Variants in RIMS2 observed in about 807,000 individuals in gnomAD.
RIMS2 encodes the protein regulating synaptic membrane exocytosis 2, also known as regulating synaptic membrane exocytosis protein 2.
Under a neutral mutation model 174.4 loss-of-function variants are expected in RIMS2, and 59 were observed. The ratio of observed to expected loss-of-function variants is 0.34; its 90% CI spans 0.27 to 0.42. RIMS2 has a LOEUF of 0.42. Ranked by LOEUF, RIMS2 falls within the 10% of genes least tolerant of loss-of-function variation. RIMS2 has a pLI of 1.00. For missense variants in RIMS2, 1,620 were observed against 1,666.3 expected (o/e 0.97, Z 0.48); for synonymous variants, 606 against 572.5 (o/e 1.06, Z -0.84).
chr8:103,757,565 G>T (rs963838872), intron 2 of RIMS2, among the ~76,000 whole-genome samples: 1 of 151,980 alleles, frequency 6.6e-6, no homozygotes, highest in Non-Finnish European at 1.5e-5. Context: ...TTTTGTCTAT[G>T]GTAGGCAGAA....
intron 1 of RIMS2, among the ~76,000 whole-genome samples, chr8:103,572,916 G>C (rs1172278158): frequency 1.3e-5 from 2 of 152,104 alleles, no homozygotes; most frequent in African/African-American, 4.8e-5. Context: ...TTAGGTCCCA[G>C]TTGTCAATTT....
In RIMS2 at chr8:103,991,813, T is replaced by A. The variant is rs1160533214; in HGVS notation, c.3044+2392T>A. On this transcript the variant is annotated intron_variant, in intron 17 of 23. Coordinates refer to ENST00000504942, the Ensembl canonical transcript of RIMS2. ...ATGCAGGATTTAACCTCTTGCTACCTGTGTCTTTGGGAAAATTAACCTCTT... is the reference window on the plus strand; with the variant it reads ...ATGCAGGATTTAACCTCTTGCTACCAGTGTCTTTGGGAAAATTAACCTCTT... Among the ~76,000 whole-genome samples, 3 of 152,172 alleles carry A rather than the reference T, an allele frequency of 2.0e-5. No individual in the cohort carries two copies. In the East Asian group the frequency reaches 5.8e-4, roughly 29 times the overall value.
At position 103,792,611 on chromosome 8, in the gene RIMS2, CA is replaced by C. The variant is rs886517819; in HGVS notation, c.698+26080del. Among the ~76,000 whole-genome samples the C allele has an allele frequency of 4.6e-4, 63 of 135,672 alleles. 1 individual carries two copies. The highest frequency in any genetic ancestry group is 1.7e-3 in the African/African-American group (63 of 36,940). 89.0% of individuals were successfully genotyped at this position (135,672 alleles called of 152,430 possible). A position where few individuals can be genotyped will look rare whatever the true frequency, so the allele number is the denominator to read the frequency against. On this transcript the variant is annotated intron_variant, in intron 3 of 23. Transcript: ENST00000504942. ...GGAGGTAGAGACACAAAAAACCCTT[CA>C]AAAAATCAGTGAATCCAGGAGCTGG...
At chr8:104,216,720 T>C (rs1299293863) in intron 19 of RIMS2, among the ~76,000 whole-genome samples, 1 of 152,294 alleles carries the variant, frequency 6.6e-6, no homozygotes, top group East Asian at 1.9e-4. Context: ...GCCTGGCTTA[T>C]AGTAAGTGGG....
In RIMS2 at chr8:103,965,058, G is replaced by A. The variant is rs76860622; in HGVS notation, c.2770+3925G>A. On this transcript the variant is annotated intron_variant, in intron 15 of 23. Coordinates refer to ENST00000504942, the Ensembl canonical transcript of RIMS2. ...AGAGTACCACAGTGTCCTGATTACT[G>A]TAGTTTCATAGTAAGTATTGAAAAG... Among the ~76,000 whole-genome samples, 1,500 of 152,220 alleles carry A rather than the reference G, an allele frequency of 9.9e-3. 19 individuals are homozygous for A. Among genetic ancestry groups the A allele is most frequent in the South Asian group, 0.046 (223 of 4,820 alleles).
At chr8:103,909,990 C>CTATATATATATATATATA (rs112720274) in intron 4 of RIMS2, 2 of 346,874 alleles carry the variant, frequency 5.8e-6, no homozygotes, top group African/African-American at 4.4e-5. Context: ...ATAGCACTCA[C>CTATATATATATATATATA]TATATATATA....
At chr8:103,687,078 A>T (rs1049794242) in intron 1 of RIMS2, among the ~76,000 whole-genome samples, 1 of 152,186 alleles carries the variant, frequency 6.6e-6, no homozygotes, top group Non-Finnish European at 1.5e-5. Context: ...ATTGGGAACC[A>T]GAGTTTTAGA....
At chr8:103,892,098 T>A (rs1223344698) in intron 4 of RIMS2, among the ~76,000 whole-genome samples, 1 of 152,070 alleles carries the variant, frequency 6.6e-6, no homozygotes, top group Non-Finnish European at 1.5e-5. Flanking sequence ...TTTATGGTAT[T>A]TCAGACCAAT....
At chr8:103,770,100 C>T (rs35470583) in intron 3 of RIMS2, among the ~76,000 whole-genome samples, 23,925 of 152,116 alleles carry the variant, frequency 0.16, 1,991 homozygotes, top group Middle Eastern at 0.24. Flanking sequence ...CTTTGAATTT[C>T]TTCCCTTACA....
chr8:103,747,905 G>A (rs1395275086), intron 2 of RIMS2, among the ~76,000 whole-genome samples: 1 of 152,138 alleles, frequency 6.6e-6, no homozygotes, highest in Admixed American at 6.5e-5. Flanking sequence ...TGCTGTGGTA[G>A]TGTTGTGATA....
At chr8:103,549,390 A>G (rs1319291856) in intron 1 of RIMS2, among the ~76,000 whole-genome samples, 1 of 152,186 alleles carries the variant, frequency 6.6e-6, no homozygotes, top group East Asian at 1.9e-4. Context: ...AGTGCAGGAG[A>G]AACAAAATCC....
At chr8:103,941,616 A>G (rs958450080) in intron 13 of RIMS2, among the ~76,000 whole-genome samples, 1 of 152,040 alleles carries the variant, frequency 6.6e-6, no homozygotes, top group African/African-American at 2.4e-5. Context: ...CACTTGCACA[A>G]CCTCCTAAAA....
intron 3 of RIMS2, among the ~76,000 whole-genome samples, chr8:103,863,187 T>A (rs1305566993): frequency 6.6e-6 from 1 of 152,180 alleles, no homozygotes; most frequent in Admixed American, 6.5e-5. Flanking sequence ...GATGTTGGAT[T>A]TTGTCAGAAT....
At chr8:104,058,178 C>A (rs1597926414) in intron 19 of RIMS2, among the ~76,000 whole-genome samples, 1 of 149,256 alleles carries the variant, frequency 6.7e-6, no homozygotes, top group Admixed American at 6.7e-5. Context: ...AGTTTACAGT[C>A]CCACCAACAG....
chr8:104,040,710 G>C (rs769577768), intron 19 of RIMS2, among the ~76,000 whole-genome samples: 1 of 151,626 alleles, frequency 6.6e-6, no homozygotes, highest in Non-Finnish European at 1.5e-5. Context: ...TACTCTTCTA[G>C]TAAAGACTTG....
chr8:103,954,908 T>G (rs961205764), intron 14 of RIMS2, among the ~76,000 whole-genome samples: 1 of 151,952 alleles, frequency 6.6e-6, no homozygotes, highest in Non-Finnish European at 1.5e-5. Flanking sequence ...TAAAAAATGA[T>G]AAAGGGGATA....
intron 1 of RIMS2, among the ~76,000 whole-genome samples, chr8:103,505,358 C>T (rs538457617): frequency 1.7e-4 from 26 of 152,182 alleles, no homozygotes; most frequent in African/African-American, 6.3e-4. Context: ...GAAATGTGTC[C>T]TGCAGTTTGC....
Position 104,151,423 on chromosome 8 carries a change from G to A in RIMS2, c.3335-93493G>A, listed in dbSNP as rs149640720. Among the ~76,000 whole-genome samples, 1,040 of 152,160 alleles carry A rather than the reference G, an allele frequency of 6.8e-3. 9 individuals carry two copies. Among genetic ancestry groups the A allele is most frequent in the African/African-American group, 0.023 (966 of 41,510 alleles). ...ATCTCTACAAAAAATACAAAAGTTA[G>A]CCCCTCATGATGACTTATGCCTGTA... On this transcript the variant is annotated intron_variant, in intron 19 of 23. Coordinates refer to ENST00000504942, the Ensembl canonical transcript of RIMS2.
At chr8:104,165,463 TGTC>T (rs1224248684) in intron 19 of RIMS2, among the ~76,000 whole-genome samples, 1 of 152,122 alleles carries the variant, frequency 6.6e-6, no homozygotes, top group Non-Finnish European at 1.5e-5. Context: ...AATTGTAAAA[TGTC>T]ATATAAATAT....
Sources: gnomAD v4.1 joint callset for allele counts (sites outside exome capture counted in the v4.1 genomes callset) on GRCh38, gnomAD v4.1.1 for gene constraint, MANE v1.5 for transcripts, NCBI Gene and HGNC (gene_info 2026-07-23, HGNC 2026-07-21) for gene names.